The following NOTCH2NLR variants were observed in gnomAD, a reference collection of about 807,000 sequenced individuals.
The protein encoded by NOTCH2NLR is notch 2 N-terminal like R, also known as notch 2 N-terminal like R (pseudogene).
NOTCH2NLR carries 33 observed loss-of-function variants against 35.6 expected under a neutral mutation model. The ratio of observed to expected loss-of-function variants is 0.93; its 90% CI spans 0.70 to 1.24. The LOEUF (loss-of-function observed/expected upper bound fraction) is 1.24. Among genes scored for constraint, NOTCH2NLR ranks in the 50% most tolerant of loss-of-function variants. The pLI is 0.00. For missense variants in NOTCH2NLR, 276 were observed against 362.2 expected (o/e 0.76, Z 1.93); for synonymous variants, 103 against 141.0 (o/e 0.73, Z 1.91).
rs1270094686 is a variant in NOTCH2NLR, at chr1:120,765,877, G to A, written c.155+2168G>A. 1.6e-4 allele frequency among the ~76,000 whole-genome samples: 18 copies of A among 116,004 alleles called. 5 individuals are homozygous for A. Among genetic ancestry groups the A allele is most frequent in the African/African-American group, 7.1e-4 (16 of 22,506 alleles). The allele number at this position is 116,004 out of a possible 152,430, so 76.1% of individuals were successfully genotyped here. A position where few individuals can be genotyped will look rare whatever the true frequency, so the allele number is the denominator to read the frequency against. On this transcript the variant is annotated intron_variant, in intron 2 of 4. Coordinates refer to ENST00000624419, the Ensembl canonical transcript of NOTCH2NLR. The stretch of plus-strand genomic sequence containing the variant: ...CCATCATTCTCAGCAAACTAACACA[G>A]GAACAGAAAACCAAACACGGCATGT...
At chr1:120,790,583 T>TCTTTCTTA (rs1651479629) in intron 3 of NOTCH2NLR, among the ~76,000 whole-genome samples, 1 of 106,468 alleles carries the variant, frequency 9.4e-6, no homozygotes, top group Non-Finnish European at 1.7e-5. Flanking sequence ...TTTCTTTCTT[T>TCTTTCTTA]CTTTCTTTCT....
intron 1 of NOTCH2NLR, among the ~76,000 whole-genome samples, chr1:120,760,202 T>C (rs1465264500): frequency 1.1e-4 from 7 of 63,598 alleles, no homozygotes; most frequent in Admixed American, 1.1e-3. Context: ...TTTTTTTTTT[T>C]TTTGAGATGG....
chr1:120,793,587 C>T lies in NOTCH2NLR; in HGVS notation c.751+91C>T. On this transcript the variant is annotated intron_variant, in intron 4 of 4. Transcript: ENST00000624419. ...GCTCAATTGCATTTTTTAGGAAGCG[C>T]AAGGAAAAAGGGAAGTGAGAATTTT... is the stretch of plus-strand genomic sequence containing the variant. The T allele has an allele frequency of 7.0e-6, 7 of 1,001,568 alleles. 1 individual carries two copies. In the South Asian group the frequency reaches 1.0e-4, roughly 15 times the overall value. 62.0% of individuals were successfully genotyped at this position (1,001,568 alleles called of 1,614,324 possible). A position where few individuals can be genotyped will look rare whatever the true frequency, so the allele number is the denominator to read the frequency against.
At chr1:120,740,113 G>GAAGA (rs1650939374) in intron 1 of NOTCH2NLR, among the ~76,000 whole-genome samples, 1 of 129,156 alleles carries the variant, frequency 7.7e-6, no homozygotes, top group Non-Finnish European at 1.7e-5. Context: ...GATTAAAGAT[G>GAAGA]AAGAACTCTT....
Position 120,724,140 on chromosome 1 carries a change from C to T in NOTCH2NLR, c.-38C>T, listed in dbSNP as rs1175380515. 201 of 1,364,056 alleles carry T rather than the reference C, an allele frequency of 1.5e-4. 50 individuals are homozygous for T. The Admixed American group carries it at 4.7e-3, about 32-fold the overall frequency. The allele number at this position is 1,364,056 out of a possible 1,614,324, so 84.5% of individuals were successfully genotyped here. On this transcript the variant is annotated 5_prime_UTR_variant, in exon 1 of 5. Coordinates refer to ENST00000624419, the Ensembl canonical transcript of NOTCH2NLR. ...TGTGGATCTGCCCAGGCGGCGGCGG[C>T]GGCGGCGGCGGAGGAGGAGGAGGAG...
chr1:120,790,671 C>T (rs1651482361), intron 3 of NOTCH2NLR, among the ~76,000 whole-genome samples: 1 of 108,982 alleles, frequency 9.2e-6, no homozygotes, highest in Admixed American at 9.0e-5. Context: ...GCAGTCTCGG[C>T]TCACTGCAAC....
rs1262637631 is a variant in NOTCH2NLR at position 120,770,457 on chromosome 1, C to G, written c.155+6748C>G. ...GTGCTGGGATTACAGGCGTGAGCCA[C>G]CACACCCAGCCGAGGACATAGGTTT... On this transcript the variant is annotated intron_variant, in intron 2 of 4. Transcript: ENST00000624419. Among the ~76,000 whole-genome samples the G allele has an allele frequency of 7.1e-5, 8 of 112,998 alleles. 1 individual carries two copies. Among genetic ancestry groups the G allele is most frequent in the Admixed American group, 5.8e-4 (7 of 12,114 alleles). 74.1% of individuals were successfully genotyped at this position (112,998 alleles called of 152,430 possible). A position where few individuals can be genotyped will look rare whatever the true frequency, so the allele number is the denominator to read the frequency against.
In NOTCH2NLR at chr1:120,724,187, C is replaced by G; in HGVS notation, c.10C>G (p.Leu4Val). The change falls in exon 1 of 5, where the codon CTG (leucine) becomes GTG (valine). Residue 4 changes from leucine to valine, a missense_variant. Leu to Val is a conservative substitution (Grantham distance 32, BLOSUM62 1). Coordinates refer to ENST00000624419, the Ensembl canonical transcript of NOTCH2NLR. ...GGAGGCGACCGAGAAGATGCCCGCC[C>G]TGCGTCCCGCTCTGCTGTGGGCGCT... The G allele has an allele frequency of 1.4e-6, 2 of 1,396,438 alleles. 1 individual carries two copies. Among genetic ancestry groups the G allele is most frequent in the Non-Finnish European group, 1.9e-6 (2 of 1,066,132 alleles). 86.5% of individuals were successfully genotyped at this position (1,396,438 alleles called of 1,614,324 possible).
intron 2 of NOTCH2NLR, among the ~76,000 whole-genome samples, 170 bp from the exon 3 acceptor site, chr1:120,784,804 A>C (rs1319354000): frequency 8.4e-6 from 1 of 118,894 alleles, no homozygotes; most frequent in Non-Finnish European, 1.6e-5. Context: ...TACGTGGTTA[A>C]GTTCTCTAAG....
In NOTCH2NLR at chr1:120,790,518, TTC is replaced by T. The variant is rs1484163596; in HGVS notation, c.416-2641_416-2640del. 2.7e-5 allele frequency among the ~76,000 whole-genome samples: 3 copies of T among 112,068 alleles called. 1 individual carries two copies. Among genetic ancestry groups the T allele is most frequent in the African/African-American group, 1.6e-4 (3 of 18,516 alleles). The allele number at this position is 112,068 out of a possible 152,430, so 73.5% of individuals were successfully genotyped here. ...GGAAACCAAATTCAGGGTTGATTCTTTCTTTCTTTCTCCCTCCCTTTCTTTCT... is the reference window on the plus strand; with the variant it reads ...GGAAACCAAATTCAGGGTTGATTCTTTTTCTTTCTCCCTCCCTTTCTTTCT... On this transcript the variant is annotated intron_variant, in intron 3 of 4. Coordinates refer to ENST00000624419, the Ensembl canonical transcript of NOTCH2NLR.
chr1:120,745,322 T>C (rs1330591696), intron 1 of NOTCH2NLR, among the ~76,000 whole-genome samples: 1 of 78,714 alleles, frequency 1.3e-5, no homozygotes, highest in Admixed American at 1.3e-4. Context: ...TCACATAGTA[T>C]GGACAAGCAT....
chr1:120,785,184 T>C (rs2101454900), exon 3 of NOTCH2NLR: 1 of 1,445,958 alleles, frequency 6.9e-7, no homozygotes, highest in South Asian at 1.2e-5. Flanking sequence ...GCACATGCCA[T>C]ATGCTCAGCC....
In NOTCH2NLR at chr1:120,733,130, TATG is replaced by T. The variant is rs1650881877; in HGVS notation, c.73+8881_73+8883del. Among the ~76,000 whole-genome samples, 225 of 92,806 alleles carry T rather than the reference TATG, an allele frequency of 2.4e-3. 79 individuals are homozygous for T. Among genetic ancestry groups the T allele is most frequent in the African/African-American group, 0.016 (211 of 13,430 alleles). The allele number at this position is 92,806 out of a possible 152,430, so 60.9% of individuals were successfully genotyped here. On this transcript the variant is annotated intron_variant, in intron 1 of 4. Coordinates refer to ENST00000624419, the Ensembl canonical transcript of NOTCH2NLR. ...ATTTATTTTTATATATATATATATATATGTTTAGTTTATGAACAGATCTACATA... is the reference window on the plus strand; with the variant it reads ...ATTTATTTTTATATATATATATATATTTTAGTTTATGAACAGATCTACATA...
At chr1:120,790,159 G>A (rs1651468362) in intron 3 of NOTCH2NLR, among the ~76,000 whole-genome samples, 1 of 100,634 alleles carries the variant, frequency 9.9e-6, no homozygotes, top group South Asian at 2.9e-4. Flanking sequence ...GGGACTACAG[G>A]CACCTACCGC....
intron 1 of NOTCH2NLR, among the ~76,000 whole-genome samples, chr1:120,750,669 TC>T (rs1651012563): frequency 9.3e-6 from 1 of 107,218 alleles, no homozygotes; most frequent in South Asian, 2.7e-4. Flanking sequence ...GAGAGTAAAG[TC>T]TTGTATTTTC....
chr1:120,748,152 C>A (rs2101374874), intron 1 of NOTCH2NLR, among the ~76,000 whole-genome samples: 2 of 32,974 alleles, frequency 6.1e-5, no homozygotes, highest in Non-Finnish European at 1.0e-4. Context: ...GTCTTTCCAC[C>A]TTAACTAGCA....
intron 2 of NOTCH2NLR, among the ~76,000 whole-genome samples, 156 bp from the exon 3 acceptor site, chr1:120,784,818 T>G (rs1164382407): frequency 8.4e-6 from 1 of 119,194 alleles, no homozygotes; most frequent in Non-Finnish European, 1.6e-5. Context: ...CTCTAAGGAC[T>G]CTTTCTTCTA....
chr1:120,788,069 G>T (rs1469375717), intron 3 of NOTCH2NLR, among the ~76,000 whole-genome samples: 1 of 67,456 alleles, frequency 1.5e-5, no homozygotes, highest in Non-Finnish European at 2.5e-5. Flanking sequence ...ATTCATCCAG[G>T]CGGGACCATT....
chr1:120,790,551 T>TCTTTCTTC (rs1651477585), intron 3 of NOTCH2NLR, among the ~76,000 whole-genome samples: 1 of 98,014 alleles, frequency 1.0e-5, no homozygotes, highest in Non-Finnish European at 1.9e-5. Flanking sequence ...TTTCTTTCTT[T>TCTTTCTTC]CTTTCTTTCT....
Sources: allele counts gnomAD v4.1 joint callset (sites outside exome capture counted in the v4.1 genomes callset), GRCh38; gene constraint gnomAD v4.1.1; transcripts MANE v1.5; gene names NCBI Gene and HGNC (gene_info 2026-07-23, HGNC 2026-07-21).